The following DGKB variants were observed in gnomAD, a reference collection of about 807,000 sequenced individuals.
DGKB encodes diacylglycerol kinase beta, also known as 90 kDa diacylglycerol kinase.
Under a neutral mutation model 114.3 loss-of-function variants are expected in DGKB, and 67 were observed. The observed-to-expected ratio is 0.59, with a 90% CI of 0.48 to 0.72. DGKB has a LOEUF of 0.72. Among genes scored for constraint, DGKB ranks in the 30% least tolerant of loss-of-function variants. The pLI is 0.00. For missense variants in DGKB, 907 were observed against 975.2 expected (o/e 0.93, Z 0.93); for synonymous variants, 398 against 323.1 (o/e 1.23, Z -2.49).
chr7:14,943,367 C>T (rs1243061055), intron 1 of DGKB, among the ~76,000 whole-genome samples: 1 of 151,676 alleles, frequency 6.6e-6, no homozygotes, highest in Non-Finnish European at 1.5e-5. Context: ...GTCATATTGA[C>T]ATAATAAAAC....
chr7:14,719,131 T>C (rs1419341588), intron 5 of DGKB, among the ~76,000 whole-genome samples: 1 of 152,192 alleles, frequency 6.6e-6, no homozygotes, highest in Non-Finnish European at 1.5e-5. Flanking sequence ...TAAGTAATCA[T>C]CCATTCATAA....
At chr7:14,162,239 A>G (rs1166577039) in intron 25 of DGKB, among the ~76,000 whole-genome samples, 1 of 152,220 alleles carries the variant, frequency 6.6e-6, no homozygotes, top group Non-Finnish European at 1.5e-5. Context: ...CCACCAGCAG[A>G]AAGATTTCTA....
Position 14,442,985 on chromosome 7 carries a change from G to C in DGKB, c.1835+35176C>G, listed in dbSNP as rs62443281. Among the ~76,000 whole-genome samples the C allele has an allele frequency of 2.6e-3, 394 of 152,168 alleles. 1 individual carries two copies. The highest frequency in any genetic ancestry group is 2.9e-3 in the Non-Finnish European group (195 of 68,002). ...TTTCATGCAAAAATGTGGTTTACCT[G>C]ATAATTCTTGAAACATAGCATCACT... On this transcript the variant is annotated intron_variant, in intron 21 of 25. Coordinates refer to ENST00000402815, the MANE Select transcript of DGKB (RefSeq NM_001350709.2).
At chr7:14,850,792 C>T (rs1221360971) in intron 1 of DGKB, among the ~76,000 whole-genome samples, 1 of 152,176 alleles carries the variant, frequency 6.6e-6, no homozygotes, top group African/African-American at 2.4e-5. Flanking sequence ...CAACAATCAG[C>T]TTCCTCTTAA....
At chr7:14,537,180 A>G (rs1244384144) in intron 20 of DGKB, among the ~76,000 whole-genome samples, 1 of 152,284 alleles carries the variant, frequency 6.6e-6, no homozygotes, top group East Asian at 1.9e-4. Flanking sequence ...GACACAAACA[A>G]ATGGATAGTG....
rs551618345 is a variant in DGKB at position 14,689,199 on chromosome 7, A to ATTTTTTTTTTTTTTTTTTT, written c.712-3856_712-3838dup. Reference sequence around the variant, plus strand: ...TGACAATGTGACAGAAACTCCTCTTATTTTTTTTTTTTTTTTTTTTTTTTT... The same window carrying ATTTTTTTTTTTTTTTTTTT: ...TGACAATGTGACAGAAACTCCTCTTATTTTTTTTTTTTTTTTTTTTTTTTTTTTTTTTTTTTTTTTTTTT... On this transcript the variant is annotated intron_variant, in intron 9 of 25. Transcript: ENST00000402815. Among the ~76,000 whole-genome samples, 84 of 76,564 alleles carry ATTTTTTTTTTTTTTTTTTT rather than the reference A, an allele frequency of 1.1e-3. 19 individuals carry two copies. Among genetic ancestry groups the ATTTTTTTTTTTTTTTTTTT allele is most frequent in the East Asian group, 4.9e-3 (7 of 1,426 alleles). 50.2% of individuals were successfully genotyped at this position (76,564 alleles called of 152,430 possible).
rs554019635 is a variant in DGKB, at chr7:14,941,474, G to C, written c.-188+33222C>G. ...TAAGATTGTTATCCTGAGGTCCATG[G>C]ACTTTCAGCATAATTAAATGGGTTT... On this transcript the variant is annotated intron_variant, in intron 1 of 4. Transcript: ENST00000437998. 2.6e-5 allele frequency among the ~76,000 whole-genome samples: 4 copies of C among 152,158 alleles called. No individual in the cohort carries two copies. In the East Asian group the frequency reaches 7.7e-4, roughly 29 times the overall value.
intron 4 of DGKB, among the ~76,000 whole-genome samples, chr7:14,750,818 T>TTTTTTTTC: frequency 7.3e-6 from 1 of 136,262 alleles, no homozygotes; most frequent in Non-Finnish European, 1.5e-5. Flanking sequence ...TTTTTTTTTC[T>TTTTTTTTC]GAGACAGAGT....
intron 23 of DGKB, among the ~76,000 whole-genome samples, chr7:14,184,432 C>T (rs1410958521): frequency 2.6e-5 from 4 of 152,090 alleles, no homozygotes; most frequent in East Asian, 1.9e-4. Context: ...CGGGTCTGTT[C>T]GTGGGGGCAC....
chr7:14,930,760 G>A (rs1033719799), intron 1 of DGKB, among the ~76,000 whole-genome samples: 5 of 152,112 alleles, frequency 3.3e-5, no homozygotes, highest in African/African-American at 1.2e-4. Flanking sequence ...GGAGTGGTGA[G>A]AATGGGCATC....
chr7:14,684,804 T>C lies in DGKB; in HGVS notation c.829+441A>G, dbSNP rs192393547. Reference sequence around the variant, plus strand: ...TGCGATTTCCTAATTTTAATGCAAATCTATTTTTAATCAATTAATGTAACT... The same window carrying C: ...TGCGATTTCCTAATTTTAATGCAAACCTATTTTTAATCAATTAATGTAACT... On this transcript the variant is annotated intron_variant, in intron 10 of 25. Coordinates refer to ENST00000402815, the MANE Select transcript of DGKB (RefSeq NM_001350709.2). 3.5e-3 allele frequency among the ~76,000 whole-genome samples: 529 copies of C among 152,250 alleles called. 14 individuals carry two copies. Among genetic ancestry groups the C allele is most frequent in the Admixed American group, 0.027 (409 of 15,292 alleles).
At chr7:14,322,107 G>C (rs1807932278) in intron 23 of DGKB, among the ~76,000 whole-genome samples, 1 of 152,206 alleles carries the variant, frequency 6.6e-6, no homozygotes, top group Non-Finnish European at 1.5e-5. Flanking sequence ...GGTAGAACAG[G>C]TGTCAGCAAA....
intron 1 of DGKB, among the ~76,000 whole-genome samples, chr7:14,950,757 G>A (rs1401161769): frequency 6.6e-6 from 1 of 151,810 alleles, no homozygotes; most frequent in Non-Finnish European, 1.5e-5. Flanking sequence ...AGACAGGATT[G>A]CATTGATAAC....
intron 23 of DGKB, among the ~76,000 whole-genome samples, chr7:14,275,469 T>G (rs962854249): frequency 2.6e-5 from 4 of 152,204 alleles, no homozygotes; most frequent in Non-Finnish European, 4.4e-5. Context: ...TCCACATTTT[T>G]TTTCCTTCTA....
intron 17 of DGKB, among the ~76,000 whole-genome samples, chr7:14,600,073 G>A (rs1525085): frequency 0.053 from 8,081 of 152,212 alleles, 362 homozygotes; most frequent in African/African-American, 0.12. Flanking sequence ...GAAGTCCAAG[G>A]TCAAGACATC....
chr7:14,216,315 C>T (rs1202744429), intron 23 of DGKB, among the ~76,000 whole-genome samples: 1 of 152,052 alleles, frequency 6.6e-6, no homozygotes, highest in African/African-American at 2.4e-5. Context: ...TCAGCCATGT[C>T]TAAGTTTTTT....
chr7:14,894,636 C>G (rs1781821988), intron 1 of DGKB, among the ~76,000 whole-genome samples: 2 of 151,526 alleles, frequency 1.3e-5, no homozygotes, highest in African/African-American at 2.4e-5. Context: ...TGCTCTTTCA[C>G]TTTTGATATT....
chr7:14,475,736 T>G (rs1039892508), intron 21 of DGKB, among the ~76,000 whole-genome samples: 3 of 152,132 alleles, frequency 2.0e-5, no homozygotes, highest in African/African-American at 7.2e-5. Flanking sequence ...TTTTACATCT[T>G]ATAAAAAACA....
chr7:14,959,364 T>G (rs1786706119), intron 1 of DGKB, among the ~76,000 whole-genome samples: 1 of 150,110 alleles, frequency 6.7e-6, no homozygotes. Context: ...ACCTGCAATT[T>G]TCAGTGAAAT....
Sources: allele counts gnomAD v4.1 joint callset (sites outside exome capture counted in the v4.1 genomes callset), GRCh38; gene constraint gnomAD v4.1.1; transcripts MANE v1.5; gene names NCBI Gene and HGNC (gene_info 2026-07-23, HGNC 2026-07-21).